The following CDS1 variants were observed in gnomAD, a reference collection of about 807,000 sequenced individuals.
CDS1 encodes the protein CDP-diacylglycerol synthase 1.
A neutral mutation model predicts 62.1 loss-of-function variants in CDS1; 41 were observed. The ratio of observed to expected loss-of-function variants is 0.66; its 90% CI spans 0.51 to 0.86. CDS1 has a LOEUF of 0.86. Among genes scored for constraint, CDS1 ranks in the 40% least tolerant of loss-of-function variants. The pLI is 0.00. For missense variants in CDS1, 470 were observed against 550.1 expected (o/e 0.85, Z 1.46); for synonymous variants, 185 against 192.6 (o/e 0.96, Z 0.32).
intron 1 of CDS1, among the ~76,000 whole-genome samples, chr4:84,603,127 A>G (rs1466477370): frequency 6.6e-6 from 1 of 152,206 alleles, no homozygotes; most frequent in East Asian, 1.9e-4. Context: ...GCTTCATTTT[A>G]GGGATGAAGA....
chr4:84,645,329 C>CT lies in CDS1; in HGVS notation c.1256+8dup. 1.3e-6 allele frequency: 2 copies of CT among 1,509,360 alleles called. No individual in the cohort carries two copies. Among genetic ancestry groups the CT allele is most frequent in the Admixed American group, 1.7e-5 (1 of 58,528 alleles). 93.5% of individuals were successfully genotyped at this position (1,509,360 alleles called of 1,614,324 possible). A position where few individuals can be genotyped will look rare whatever the true frequency, so the allele number is the denominator to read the frequency against. On this transcript the variant is annotated splice_donor_region_variant and intron_variant, in intron 12 of 12. Transcript: ENST00000295887. ...TGTACATCACAAGTTTTATAAGGTA[C>CT]TTTTACACTTGAGACATTTTTTAGA... is the stretch of plus-strand genomic sequence containing the variant.
chr4:84,605,092 A>G (rs1723053129), intron 2 of CDS1, among the ~76,000 whole-genome samples: 1 of 152,330 alleles, frequency 6.6e-6, no homozygotes, highest in Non-Finnish European at 1.5e-5. Context: ...TATAAAAGCA[A>G]AGTAAACCTA....
chr4:84,584,227 T>C (rs1348306847), intron 1 of CDS1, among the ~76,000 whole-genome samples: 1 of 152,216 alleles, frequency 6.6e-6, no homozygotes, highest in Non-Finnish European at 1.5e-5. Flanking sequence ...GTAGATGCGA[T>C]ATTACTATCT....
intron 1 of CDS1, among the ~76,000 whole-genome samples, chr4:84,601,711 G>A (rs1434752732): frequency 1.3e-5 from 2 of 152,170 alleles, no homozygotes; most frequent in Middle Eastern, 3.4e-3. Flanking sequence ...TCAGGAGTTC[G>A]AGACTAGCCT....
chr4:84,592,733 C>T lies in CDS1; in HGVS notation c.117+9215C>T, dbSNP rs139313815. On this transcript the variant is annotated intron_variant, in intron 1 of 12. Transcript: ENST00000295887. ...ATTTATAGCTGCTTTTTGCAAACAA[C>T]GCAGCTAAGAAAGCAGTGTTGCTTT... is the stretch of plus-strand genomic sequence containing the variant. Among the ~76,000 whole-genome samples the T allele has an allele frequency of 7.9e-5, 12 of 152,276 alleles. No homozygotes were observed. The East Asian group carries it at 1.9e-3, about 25-fold the overall frequency.
At chr4:84,586,029 G>C (rs910012341) in intron 1 of CDS1, among the ~76,000 whole-genome samples, 1 of 152,168 alleles carries the variant, frequency 6.6e-6, no homozygotes, top group Non-Finnish European at 1.5e-5. Context: ...AGGTTTACAA[G>C]GGTTTGGGTA....
chr4:84,646,352 C>T (rs944242865), intron 12 of CDS1, among the ~76,000 whole-genome samples: 4 of 152,058 alleles, frequency 2.6e-5, no homozygotes, highest in African/African-American at 9.7e-5. Flanking sequence ...TTTCATTTCT[C>T]TGCCTTTTTT....
chr4:84,599,406 A>ATATATG (rs1722858823), intron 1 of CDS1, among the ~76,000 whole-genome samples: 2 of 6,042 alleles, frequency 3.3e-4, no homozygotes, highest in African/African-American at 6.8e-4. Context: ...ACACACACAC[A>ATATATG]TATATATATA....
chr4:84,630,384 G>A (rs1723984497), intron 5 of CDS1, among the ~76,000 whole-genome samples: 1 of 152,138 alleles, frequency 6.6e-6, no homozygotes, highest in African/African-American at 2.4e-5. Context: ...TGACAAATAG[G>A]AGGTGAGATA....
Position 84,650,611 on chromosome 4 carries a change from G to T in CDS1, c.*1925G>T, listed in dbSNP as rs1382817612. On this transcript the variant is annotated 3_prime_UTR_variant, in exon 13 of 13. Coordinates refer to ENST00000295887, the MANE Select transcript of CDS1 (RefSeq NM_001263.4). ...ATTTGTATTTAAAATAATTGGTGAG[G>T]CATTGAAATCCAGAATTATAAGAAA... is the stretch of plus-strand genomic sequence containing the variant. 4 of 152,084 alleles carry T rather than the reference G, an allele frequency of 2.6e-5. No homozygotes were observed. Among genetic ancestry groups the T allele is most frequent in the Admixed American group, 2.0e-4 (3 of 15,276 alleles). 9.4% of individuals were successfully genotyped at this position (152,084 alleles called of 1,614,324 possible).
At chr4:84,641,507 A>G (rs1724383414) in intron 10 of CDS1, among the ~76,000 whole-genome samples, 1 of 152,248 alleles carries the variant, frequency 6.6e-6, no homozygotes, top group Non-Finnish European at 1.5e-5. Flanking sequence ...TACAAATCAA[A>G]TGGATCAAAT....
At chr4:84,637,123 C>T (rs1242623712) in intron 8 of CDS1, among the ~76,000 whole-genome samples, 1 of 152,116 alleles carries the variant, frequency 6.6e-6, no homozygotes, top group Non-Finnish European at 1.5e-5. Flanking sequence ...CTGCTGAAAG[C>T]ATCAGCACAC....
chr4:84,648,806 G>A lies in CDS1; in HGVS notation c.*120G>A, dbSNP rs1328438071. On this transcript the variant is annotated 3_prime_UTR_variant, in exon 13 of 13. Coordinates refer to ENST00000295887, the MANE Select transcript of CDS1 (RefSeq NM_001263.4). ...CAATAGGTTGAAGTTTTGGAGATAT[G>A]TTTCTCTCTGAAATTACTGTGAATA... is the stretch of plus-strand genomic sequence containing the variant. The A allele has an allele frequency of 6.5e-6, 6 of 922,888 alleles. No individual in the cohort carries two copies. The highest frequency in any genetic ancestry group is 7.9e-6 in the Non-Finnish European group (5 of 635,326). 57.2% of individuals were successfully genotyped at this position (922,888 alleles called of 1,614,324 possible).
intron 1 of CDS1, among the ~76,000 whole-genome samples, chr4:84,597,341 C>G (rs548688346): frequency 1.3e-5 from 2 of 152,256 alleles, no homozygotes; most frequent in South Asian, 4.1e-4. Context: ...AGATTTCTGT[C>G]TATAAAATAC....
chr4:84,626,581 C>A (rs1451370953), intron 5 of CDS1, among the ~76,000 whole-genome samples: 1 of 152,162 alleles, frequency 6.6e-6, no homozygotes, highest in African/African-American at 2.4e-5. Flanking sequence ...TTACCACGCC[C>A]AGCTCTACAG....
intron 7 of CDS1, 66 bp downstream of exon 7, chr4:84,634,005 G>T: frequency 1.2e-6 from 1 of 868,474 alleles, no homozygotes; most frequent in Non-Finnish European, 1.8e-6. Flanking sequence ...TTTAACGTTG[G>T]ATAGTGTCTT....
At chr4:84,647,111 T>C (rs1724579838) in intron 12 of CDS1, among the ~76,000 whole-genome samples, 1 of 152,176 alleles carries the variant, frequency 6.6e-6, no homozygotes, top group African/African-American at 2.4e-5. Flanking sequence ...TGTTATTTCT[T>C]TGTCTCTCCT....
intron 10 of CDS1, 24 bp downstream of exon 10, chr4:84,641,014 CA>C: frequency 6.8e-7 from 1 of 1,475,170 alleles, no homozygotes; most frequent in Non-Finnish European, 9.1e-7. Context: ...TCAAGATAAA[CA>C]TGGTTAGAGA....
chr4:84,592,078 A>G (rs751179237), intron 1 of CDS1, among the ~76,000 whole-genome samples: 1 of 151,666 alleles, frequency 6.6e-6, no homozygotes, highest in Non-Finnish European at 1.5e-5. Context: ...AATGTTTCAG[A>G]ACTTATTTAA....
Sources: gnomAD v4.1 joint callset for allele counts (sites outside exome capture counted in the v4.1 genomes callset) on GRCh38, gnomAD v4.1.1 for gene constraint, MANE v1.5 for transcripts, NCBI Gene and HGNC (gene_info 2026-07-23, HGNC 2026-07-21) for gene names.